The following EML2 variants were observed in gnomAD, a reference collection of about 807,000 sequenced individuals.
The protein encoded by EML2 is EMAP like 2, also known as echinoderm microtubule-associated protein-like 2.
Under a neutral mutation model 84.7 loss-of-function variants are expected in EML2, and 59 were observed. The observed-to-expected ratio is 0.70, with a 90% CI of 0.56 to 0.86. The LOEUF (loss-of-function observed/expected upper bound fraction) is 0.86. Ranked by LOEUF, EML2 falls within the 40% of genes least tolerant of loss-of-function variation. The probability of loss-of-function intolerance (pLI) is 0.00; values close to 1 mark genes in which losing one functional copy is unlikely to be tolerated. For synonymous variants in EML2, 352 were observed against 348.9 expected, an observed-to-expected ratio of 1.01 and a Z score of -0.10; for missense variants, 818 against 855.6, an observed-to-expected ratio of 0.96 and a Z score of 0.55.
upstream of EML2, among the ~76,000 whole-genome samples, chr19:45,644,326 A>C (rs1262059803): frequency 6.6e-6 from 1 of 152,098 alleles, no homozygotes; most frequent in Non-Finnish European, 1.5e-5. Context: ...CGTTCAATGG[A>C]AGAACCCATA....
At chr19:45,611,103 G>T (rs556422125) in intron 18 of EML2, among the ~76,000 whole-genome samples, 1 of 151,556 alleles carries the variant, frequency 6.6e-6, no homozygotes, top group Non-Finnish European at 1.5e-5. Context: ...CCTTCCTAGG[G>T]ATGAGGCATG....
intron 9 of EML2, among the ~76,000 whole-genome samples, chr19:45,624,248 C>T (rs191631439): frequency 5.9e-5 from 9 of 152,344 alleles, no homozygotes; most frequent in African/African-American, 1.7e-4. Flanking sequence ...GTGGTAACAA[C>T]CACTCATTTG....
At chr19:45,644,285 G>A (rs912108053), upstream of EML2, among the ~76,000 whole-genome samples, 41 of 152,134 alleles carry the variant, frequency 2.7e-4, no homozygotes, top group African/African-American at 9.4e-4. Flanking sequence ...AGCCCAGAAA[G>A]GTGACGTTAC....
At chr19:45,612,095 A>G (rs910106023) in intron 18 of EML2, among the ~76,000 whole-genome samples, 2 of 150,840 alleles carry the variant, frequency 1.3e-5, no homozygotes, top group African/African-American at 4.9e-5. Flanking sequence ...TCTATCGCTC[A>G]GTGCATTGTT....
At chr19:45,638,408 C>T in intron 3 of EML2, 97 bp downstream of exon 3, 1 of 1,572,152 alleles carries the variant, frequency 6.4e-7, no homozygotes, top group Non-Finnish European at 8.7e-7. Context: ...AACGATCCTC[C>T]CAAAGTGCTG....
At chr19:45,632,825 G>T in intron 6 of EML2, 36 bp downstream of exon 6, 1 of 1,582,334 alleles carries the variant, frequency 6.3e-7, no homozygotes, top group Non-Finnish European at 8.6e-7. Context: ...CCTTTTCGGG[G>T]CGAAGGGGCG....
chr19:45,641,506 G>A (rs1246694926), upstream of EML2: 5 of 856,026 alleles, frequency 5.8e-6, no homozygotes, highest in Non-Finnish European at 9.0e-6. Flanking sequence ...TCCCTCCAAG[G>A]CTCTGGCACC....
chr19:45,636,727 A>G (rs61285277), intron 3 of EML2, among the ~76,000 whole-genome samples: 2 of 152,232 alleles, frequency 1.3e-5, no homozygotes, highest in Non-Finnish European at 2.9e-5. Context: ...CAGGTGGATC[A>G]CTTGAGGTCA....
intron 4 of EML2, 21 bp downstream of exon 4, chr19:45,634,301 C>T (rs1189026529): frequency 1.9e-6 from 3 of 1,612,426 alleles, no homozygotes; most frequent in Non-Finnish European, 1.7e-6. Flanking sequence ...TCCCTCCCGT[C>T]CCCTCTGTCC....
intron 8 of EML2, 21 bp downstream of exon 8, chr19:45,626,682 TCC>T: frequency 6.3e-7 from 1 of 1,596,792 alleles, no homozygotes; most frequent in Non-Finnish European, 8.6e-7. Context: ...GGCCAGCCTG[TCC>T]CCCAAACCCC....
At chr19:45,618,929 A>G (rs1971384827) in intron 12 of EML2, 131 bp downstream of exon 12, 4 of 1,059,328 alleles carry the variant, frequency 3.8e-6, no homozygotes, top group Non-Finnish European at 5.1e-6. Context: ...CCTGGGTGAC[A>G]GAGCGAGACT....
In EML2 at chr19:45,638,742, CAG is replaced by C. The variant is rs910186316; in HGVS notation, c.49+101_49+102del. On this transcript the variant is annotated intron_variant, in intron 2 of 18. Coordinates refer to ENST00000245925, the MANE Select transcript of EML2 (RefSeq NM_012155.4). ...TTTTTAAAGGCAGGGAAACTGAGGC[CAG>C]AGAGGCAAAGACCCAGTAGCCAAGA... 527 of 1,588,418 alleles carry C rather than the reference CAG, an allele frequency of 3.3e-4. No homozygotes were observed. In the African/African-American group the frequency reaches 6.5e-3, roughly 20 times the overall value.
At chr19:45,639,258 C>T in intron 1 of EML2, 99 bp downstream of exon 1, 2 of 1,170,592 alleles carry the variant, frequency 1.7e-6, no homozygotes, top group Non-Finnish European at 2.3e-6. Flanking sequence ...AGGGGCGTGT[C>T]CCCACGCCGG....
upstream of EML2, chr19:45,645,411 C>T: frequency 1.4e-6 from 2 of 1,479,188 alleles, no homozygotes; most frequent in African/African-American, 1.5e-5. Context: ...GGCCCTGCCT[C>T]CCGTTGCCAT....
At chr19:45,643,538 G>A, upstream of EML2, 4 of 1,535,050 alleles carry the variant, frequency 2.6e-6, no homozygotes, top group African/African-American at 1.4e-5. Context: ...GGCGGAGACC[G>A]AAGTGGCCCC....
intron 15 of EML2, 144 bp from the exon 16 acceptor site, chr19:45,616,033 T>C: frequency 1.5e-6 from 1 of 670,386 alleles, no homozygotes; most frequent in Non-Finnish European, 2.7e-6. Context: ...CACAGGCCTT[T>C]GGAGTATGGG....
At chr19:45,630,947 C>A (rs1219147491) in intron 6 of EML2, among the ~76,000 whole-genome samples, 1 of 152,122 alleles carries the variant, frequency 6.6e-6, no homozygotes, top group Admixed American at 6.6e-5. Flanking sequence ...CTCCACCTCC[C>A]AGGTTCAAGC....
chr19:45,643,673 G>C, upstream of EML2: 2 of 1,535,894 alleles, frequency 1.3e-6, no homozygotes, highest in African/African-American at 2.7e-5. Context: ...CGTGGAGCTC[G>C]CCCCTGCCAT....
At chr19:45,644,563 C>T, upstream of EML2, 1 of 405,910 alleles carries the variant, frequency 2.5e-6, no homozygotes. Flanking sequence ...ATCCTACCAA[C>T]CCCCACACCT....
Sources: allele counts gnomAD v4.1 joint callset (sites outside exome capture counted in the v4.1 genomes callset), GRCh38; gene constraint gnomAD v4.1.1; transcripts MANE v1.5; gene names NCBI Gene and HGNC (gene_info 2026-07-23, HGNC 2026-07-21).